CACNA2D3: variants seen among roughly 807,000 people sequenced by gnomAD.
CACNA2D3 encodes the protein voltage-dependent calcium channel subunit alpha-2/delta-3.
In CACNA2D3, 60 loss-of-function variants were observed where a neutral mutation model predicts 160.6. That is an observed-to-expected ratio of 0.37 (90% CI 0.30 to 0.46). The LOEUF (loss-of-function observed/expected upper bound fraction) is 0.46. Among genes scored for constraint, CACNA2D3 ranks in the 20% least tolerant of loss-of-function variants. The pLI, the probability that CACNA2D3 is intolerant of heterozygous loss-of-function variation, is 1.00. For missense variants in CACNA2D3, 1,205 were observed against 1,365.0 expected, an observed-to-expected ratio of 0.88 and a Z score of 1.85; for synonymous variants, 558 against 492.9, an observed-to-expected ratio of 1.13 and a Z score of -1.75.
At chr3:54,761,152 T>G (rs1702072981) in intron 12 of CACNA2D3, among the ~76,000 whole-genome samples, 1 of 152,088 alleles carries the variant, frequency 6.6e-6, no homozygotes, top group African/African-American at 2.4e-5. Context: ...TTTTGGAAAA[T>G]CCAAATCAGA....
intron 2 of CACNA2D3, among the ~76,000 whole-genome samples, chr3:54,227,866 G>T (rs1049629775): frequency 6.6e-6 from 1 of 152,204 alleles, no homozygotes; most frequent in East Asian, 1.9e-4. Flanking sequence ...GTCTCTTTTG[G>T]TCACCTCCCT....
At chr3:54,807,718 G>A (rs540773990) in intron 13 of CACNA2D3, among the ~76,000 whole-genome samples, 167 of 151,916 alleles carry the variant, frequency 1.1e-3, no homozygotes, top group African/African-American at 3.9e-3. Flanking sequence ...TATACCCAAA[G>A]GACTATAAAT....
intron 5 of CACNA2D3, among the ~76,000 whole-genome samples, chr3:54,547,904 G>A (rs1233951848): frequency 6.6e-6 from 1 of 151,922 alleles, no homozygotes; most frequent in Non-Finnish European, 1.5e-5. Flanking sequence ...ATATTACGCA[G>A]GCTGGTCTCA....
At chr3:55,033,043 C>CT (rs996909542) in intron 35 of CACNA2D3, among the ~76,000 whole-genome samples, 2 of 152,016 alleles carry the variant, frequency 1.3e-5, no homozygotes, top group Non-Finnish European at 2.9e-5. Flanking sequence ...TTGAAAACAA[C>CT]TAGAAGCTCA....
chr3:54,513,225 G>A (rs1701487814), intron 5 of CACNA2D3, among the ~76,000 whole-genome samples: 1 of 152,030 alleles, frequency 6.6e-6, no homozygotes, highest in African/African-American at 2.4e-5. Flanking sequence ...TAGCTTCCAG[G>A]GACATAAAGA....
At chr3:55,033,732 T>TTTTATAAATATATAAAATATA (rs1397490411) in intron 35 of CACNA2D3, among the ~76,000 whole-genome samples, 3 of 119,904 alleles carry the variant, frequency 2.5e-5, no homozygotes, top group Non-Finnish European at 5.1e-5. Flanking sequence ...ATTAAATATA[T>TTTTATAAATATATAAAATATA]TTTATATAAT....
chr3:54,442,852 G>A (rs879328026), intron 4 of CACNA2D3, among the ~76,000 whole-genome samples: 15 of 152,232 alleles, frequency 9.9e-5, no homozygotes, highest in South Asian at 2.1e-4. Context: ...CGTACCCGTC[G>A]CCAGCCTCTT....
At chr3:54,662,303 G>C (rs1699988443) in intron 11 of CACNA2D3, among the ~76,000 whole-genome samples, 1 of 152,130 alleles carries the variant, frequency 6.6e-6, no homozygotes, top group Non-Finnish European at 1.5e-5. Flanking sequence ...GATGGAGCCT[G>C]ACACTCCCTG....
intron 3 of CACNA2D3, among the ~76,000 whole-genome samples, chr3:54,330,002 T>C (rs1298836541): frequency 6.7e-6 from 1 of 149,180 alleles, no homozygotes. Flanking sequence ...GAAAAGATAG[T>C]TAGGAATTCA....
Position 54,200,834 on chromosome 3 carries a change from C to G in CACNA2D3, c.204+77240C>G, listed in dbSNP as rs151314447. Among the ~76,000 whole-genome samples, 3 of 152,308 alleles carry G rather than the reference C, an allele frequency of 2.0e-5. No homozygotes were observed. In the East Asian group the frequency reaches 5.8e-4, roughly 29 times the overall value. ...GTCTCCTGTTTCCCTATTTTCTAAA[C>G]ATTTTAGACAAGTGCTTTGGAAAAT... On this transcript the variant is annotated intron_variant, in intron 2 of 37. Coordinates refer to ENST00000474759, the MANE Select transcript of CACNA2D3 (RefSeq NM_018398.3).
chr3:54,128,627 T>C (rs1576944740), intron 2 of CACNA2D3, among the ~76,000 whole-genome samples: 1 of 152,136 alleles, frequency 6.6e-6, no homozygotes, highest in East Asian at 1.9e-4. Flanking sequence ...CCCCAGCACA[T>C]CTCCTCTGTC....
At chr3:54,438,685 A>G (rs1700095450) in intron 4 of CACNA2D3, among the ~76,000 whole-genome samples, 1 of 152,204 alleles carries the variant, frequency 6.6e-6, no homozygotes, top group Admixed American at 6.5e-5. Context: ...TTATCATTCT[A>G]AATTTGCATA....
chr3:54,712,207 T>G (rs1700965254), intron 11 of CACNA2D3, among the ~76,000 whole-genome samples: 1 of 152,226 alleles, frequency 6.6e-6, no homozygotes. Context: ...TTGTAACAAA[T>G]TACTACAAAT....
At chr3:54,743,242 A>C (rs1701688608) in intron 11 of CACNA2D3, among the ~76,000 whole-genome samples, 1 of 152,230 alleles carries the variant, frequency 6.6e-6, no homozygotes, top group Admixed American at 6.5e-5. Context: ...GTAGAAATAA[A>C]CATAAGTAAA....
At chr3:54,384,594 T>TA (rs548658626) in intron 3 of CACNA2D3, among the ~76,000 whole-genome samples, 5 of 152,210 alleles carry the variant, frequency 3.3e-5, no homozygotes, top group Non-Finnish European at 5.9e-5. Flanking sequence ...GGGGCCCACT[T>TA]ACCTGATCTT....
rs190446917 is a variant in CACNA2D3, at chr3:54,686,495, A to T, written c.1167+44254A>T. The stretch of plus-strand genomic sequence containing the variant: ...AAACAACAGGAGGTAAGAGAAAGAA[A>T]ACAGGTGTACGTTTGAATGTCTTCC... On this transcript the variant is annotated intron_variant, in intron 11 of 37. Transcript: ENST00000474759. 4.4e-4 allele frequency among the ~76,000 whole-genome samples: 67 copies of T among 152,370 alleles called. No individual in the cohort carries two copies. In the East Asian group the frequency reaches 0.011, roughly 25 times the overall value.
chr3:54,847,719 A>G (rs1258509647), intron 17 of CACNA2D3, among the ~76,000 whole-genome samples: 5 of 152,244 alleles, frequency 3.3e-5, no homozygotes, highest in Non-Finnish European at 7.3e-5. Flanking sequence ...GTAACTCAGA[A>G]TTATTGAAAA....
chr3:54,688,422 G>T (rs2106927899), intron 11 of CACNA2D3, among the ~76,000 whole-genome samples: 1 of 151,948 alleles, frequency 6.6e-6, no homozygotes, highest in South Asian at 2.1e-4. Context: ...ATGAAGGACA[G>T]GAAGGAAGGA....
chr3:54,780,681 G>T (rs191971057), intron 13 of CACNA2D3, among the ~76,000 whole-genome samples: 7 of 152,292 alleles, frequency 4.6e-5, no homozygotes, highest in Non-Finnish European at 8.8e-5. Context: ...CAAGCTAATT[G>T]CTCTGGGCCA....
Sources: allele counts gnomAD v4.1 joint callset (sites outside exome capture counted in the v4.1 genomes callset), GRCh38; gene constraint gnomAD v4.1.1; transcripts MANE v1.5; gene names NCBI Gene and HGNC (gene_info 2026-07-23, HGNC 2026-07-21).